Variants in CCDC91 observed in about 807,000 individuals in gnomAD.
CCDC91 encodes the protein coiled-coil domain containing 91.
In CCDC91, 48 loss-of-function variants were observed where a neutral mutation model predicts 63.2. The observed-to-expected ratio is 0.76, with a 90% CI of 0.60 to 0.97. CCDC91 has a LOEUF of 0.97. Among genes scored for constraint, CCDC91 ranks in the 50% least tolerant of loss-of-function variants. The probability of loss-of-function intolerance (pLI) is 0.00; values close to 1 mark genes in which losing one functional copy is unlikely to be tolerated. For missense variants in CCDC91, 500 were observed against 494.6 expected, an observed-to-expected ratio of 1.01 and a Z score of -0.10; for synonymous variants, 167 against 165.8, an observed-to-expected ratio of 1.01 and a Z score of -0.06.
intron 1 of CCDC91, among the ~76,000 whole-genome samples, chr12:28,221,307 A>C (rs1026452375): frequency 1.3e-5 from 2 of 152,100 alleles, no homozygotes; most frequent in Non-Finnish European, 2.9e-5. Flanking sequence ...TAAAAGTTAT[A>C]AAGCATATTT....
At chr12:28,265,503 A>G (rs997845603) in intron 3 of CCDC91, among the ~76,000 whole-genome samples, 2 of 152,104 alleles carry the variant, frequency 1.3e-5, no homozygotes, top group African/African-American at 4.8e-5. Flanking sequence ...ATTGGCAGAG[A>G]GAAACCTGGA....
intron 1 of CCDC91, among the ~76,000 whole-genome samples, chr12:28,200,768 C>T (rs948921867): frequency 1.2e-4 from 18 of 151,548 alleles, no homozygotes; most frequent in Non-Finnish European, 2.2e-4. Flanking sequence ...TCATCATGGC[C>T]TGTTCTCAAT....
Position 28,267,871 on chromosome 12 carries a change from A to AATTAT in CCDC91, c.109+8432_109+8436dup, listed in dbSNP as rs1270291924. On this transcript the variant is annotated intron_variant, in intron 3 of 12. Coordinates refer to ENST00000536442, the MANE Select transcript of CCDC91 (RefSeq NM_018318.5). Reference sequence around the variant, plus strand: ...TATATAGTAATATATAATTATATATAATTATATATAATTATTATAATTATA... The same window carrying AATTAT: ...TATATAGTAATATATAATTATATATAATTATATTATATATAATTATTATAATTATA... 1.3e-3 allele frequency among the ~76,000 whole-genome samples: 84 copies of AATTAT among 66,712 alleles called. 1 individual carries two copies. Among genetic ancestry groups the AATTAT allele is most frequent in the Non-Finnish European group, 1.5e-3 (58 of 38,234 alleles). 43.8% of individuals were successfully genotyped at this position (66,712 alleles called of 152,430 possible).
chr12:28,436,412 T>A (rs1224598040), intron 8 of CCDC91, among the ~76,000 whole-genome samples: 2 of 151,906 alleles, frequency 1.3e-5, no homozygotes, highest in Non-Finnish European at 2.9e-5. Context: ...ATTCTGTCCC[T>A]TGTATCTTTG....
intron 8 of CCDC91, among the ~76,000 whole-genome samples, chr12:28,437,052 C>T (rs1299702110): frequency 6.6e-6 from 1 of 151,482 alleles, no homozygotes; most frequent in African/African-American, 2.4e-5. Context: ...CTTGTAATGC[C>T]ATTTTCTACA....
rs527782933 is a variant in CCDC91, at chr12:28,327,888, G to A, written c.576+20139G>A. On this transcript the variant is annotated intron_variant, in intron 6 of 12. Transcript: ENST00000536442. The stretch of plus-strand genomic sequence containing the variant: ...TCTTAGCAGGTTTGGTCATAATAGG[G>A]AACTTCTGACCTCAGGCATCCTGTT... 7.2e-5 allele frequency among the ~76,000 whole-genome samples: 11 copies of A among 152,190 alleles called. No individual in the cohort carries two copies. The South Asian group carries it at 2.3e-3, about 32-fold the overall frequency.
At chr12:28,441,589 CTG>C (rs1432272677) in intron 8 of CCDC91, among the ~76,000 whole-genome samples, 1 of 139,358 alleles carries the variant, frequency 7.2e-6, no homozygotes, top group African/African-American at 2.8e-5. Context: ...GCGATGAAGC[CTG>C]TGTGTATGTA....
At chr12:28,234,317 A>C (rs963807247) in intron 1 of CCDC91, among the ~76,000 whole-genome samples, 8 of 152,042 alleles carry the variant, frequency 5.3e-5, no homozygotes, top group Non-Finnish European at 1.0e-4. Context: ...TATCCTCTTT[A>C]ATTTCTAAGT....
chr12:28,276,084 C>G (rs552340127), intron 3 of CCDC91, among the ~76,000 whole-genome samples: 2 of 152,158 alleles, frequency 1.3e-5, no homozygotes, highest in South Asian at 4.1e-4. Flanking sequence ...CCCTCTCTCA[C>G]CACTCCTAAA....
At chr12:28,260,972 C>A (rs1045743133) in intron 3 of CCDC91, among the ~76,000 whole-genome samples, 11 of 151,932 alleles carry the variant, frequency 7.2e-5, no homozygotes. Flanking sequence ...AAAGTTTTAT[C>A]ATTTGATACA....
At chr12:28,469,408 TATAAAACACTG>T (rs1285892969) in intron 11 of CCDC91, among the ~76,000 whole-genome samples, 1 of 151,960 alleles carries the variant, frequency 6.6e-6, no homozygotes, top group African/African-American at 2.4e-5. Context: ...CAATAAAAAC[TATAAAACACTG>T]ATGAAAGAAA....
At chr12:28,531,347 A>G (rs547397607) in intron 12 of CCDC91, among the ~76,000 whole-genome samples, 25 of 152,290 alleles carry the variant, frequency 1.6e-4, no homozygotes, top group Non-Finnish European at 3.4e-4. Flanking sequence ...CAAATTATCA[A>G]AATTTTTTAT....
rs368198079 is a variant in CCDC91 at position 28,484,024 on chromosome 12, T to G, written c.1102-28T>G. On this transcript the variant is annotated intron_variant, in intron 11 of 12. Coordinates refer to ENST00000536442, the MANE Select transcript of CCDC91 (RefSeq NM_018318.5). ...AGATATGTCATAGTGCTCACCTCCC[T>G]GACTGTTTTGCCTTCTCCCACAAAC... The G allele has an allele frequency of 2.3e-5, 32 of 1,414,738 alleles. No homozygotes were observed. The African/African-American group carries it at 4.4e-4, about 19-fold the overall frequency. 87.6% of individuals were successfully genotyped at this position (1,414,738 alleles called of 1,614,324 possible).
chr12:28,270,655 G>T (rs922596976), intron 3 of CCDC91, among the ~76,000 whole-genome samples: 5 of 151,990 alleles, frequency 3.3e-5, no homozygotes, highest in African/African-American at 1.2e-4. Context: ...AATCCATTAG[G>T]TTCCTAAAGG....
intron 6 of CCDC91, among the ~76,000 whole-genome samples, chr12:28,340,974 A>G (rs764555732): frequency 6.6e-6 from 1 of 152,144 alleles, no homozygotes; most frequent in Non-Finnish European, 1.5e-5. Context: ...TGGGGTAGCC[A>G]GAAGGGAGAT....
chr12:28,547,020 T>A (rs1943037567), intron 12 of CCDC91, among the ~76,000 whole-genome samples: 1 of 152,050 alleles, frequency 6.6e-6, no homozygotes, highest in African/African-American at 2.4e-5. Context: ...TTTTTTAAAA[T>A]GAGATAGGGA....
At chr12:28,196,454 C>T (rs1038508438) in intron 1 of CCDC91, among the ~76,000 whole-genome samples, 62 of 152,308 alleles carry the variant, frequency 4.1e-4, no homozygotes, top group African/African-American at 1.4e-3. Context: ...TTTCTTGTCT[C>T]TTTGCACTGG....
chr12:28,253,589 A>G (rs1338304543), intron 1 of CCDC91, among the ~76,000 whole-genome samples: 2 of 152,168 alleles, frequency 1.3e-5, no homozygotes, highest in Admixed American at 1.3e-4. Flanking sequence ...TTATGTATTC[A>G]TAAGTGTGAT....
At chr12:28,476,954 G>A (rs1488182772) in intron 11 of CCDC91, among the ~76,000 whole-genome samples, 3 of 152,058 alleles carry the variant, frequency 2.0e-5, no homozygotes, top group Admixed American at 6.6e-5. Context: ...CCAATAACAG[G>A]CTCTGAAATT....
Sources: allele counts gnomAD v4.1 joint callset (sites outside exome capture counted in the v4.1 genomes callset), GRCh38; gene constraint gnomAD v4.1.1; transcripts MANE v1.5; gene names NCBI Gene and HGNC (gene_info 2026-07-23, HGNC 2026-07-21).